Variants in TPD52 observed in about 807,000 individuals in gnomAD.
TPD52 encodes prostate and colon associated protein.
In TPD52, 17 loss-of-function variants were observed where a neutral mutation model predicts 31.3. That is an observed-to-expected ratio of 0.54 (90% CI 0.37 to 0.82). TPD52 has a LOEUF of 0.82. TPD52 is among the 40% of genes least tolerant of loss of function. The pLI is 0.00. For missense variants in TPD52, 212 were observed against 240.1 expected, an observed-to-expected ratio of 0.88 and a Z score of 0.77; for synonymous variants, 83 against 89.6, an observed-to-expected ratio of 0.93 and a Z score of 0.42.
intron 1 of TPD52, among the ~76,000 whole-genome samples, chr8:80,156,042 C>T (rs1387267567): frequency 6.6e-6 from 1 of 152,120 alleles, no homozygotes; most frequent in Non-Finnish European, 1.5e-5. Flanking sequence ...TGGTTTTAAA[C>T]AACAGCATTT....
chr8:80,060,117 A>C (rs2130637085), intron 2 of TPD52, among the ~76,000 whole-genome samples: 1 of 151,452 alleles, frequency 6.6e-6, no homozygotes, highest in Admixed American at 6.6e-5. Flanking sequence ...AGATGAGTGA[A>C]ATTGACAAAC....
intron 3 of TPD52, chr8:80,052,964 C>A: frequency 4.1e-6 from 1 of 241,648 alleles, no homozygotes; most frequent in Non-Finnish European, 8.1e-6. Flanking sequence ...TCTTGCCACC[C>A]ATTCTTACTG....
chr8:80,159,104 AT>A (rs111394301), intron 1 of TPD52, among the ~76,000 whole-genome samples: 1,533 of 152,314 alleles, frequency 0.01, 22 homozygotes, highest in African/African-American at 0.035. Flanking sequence ...CTGAGTTAGC[AT>A]TTTACAGAAG....
rs143928935 is a variant in TPD52 at position 80,060,582 on chromosome 8, T to C, written c.135+3896A>G. Among the ~76,000 whole-genome samples, 107 of 150,282 alleles carry C rather than the reference T, an allele frequency of 7.1e-4. No individual in the cohort carries two copies. In the East Asian group the frequency reaches 8.7e-3, roughly 12 times the overall value. On this transcript the variant is annotated intron_variant, in intron 2 of 7. Coordinates refer to ENST00000518937, the MANE Select transcript of TPD52 (RefSeq NM_001025253.3). ...AGAAAACAGCAGCCCATATCTCCTA[T>C]GAATATCCAGCAGCATATTAAAAGG... is the stretch of plus-strand genomic sequence containing the variant.
chr8:80,160,190 C>CAA (rs5892713), intron 1 of TPD52, among the ~76,000 whole-genome samples: 59 of 148,470 alleles, frequency 4.0e-4, no homozygotes, highest in African/African-American at 2.2e-4. Flanking sequence ...GACCCCATCT[C>CAA]AAAAAAAAAA....
intron 1 of TPD52, among the ~76,000 whole-genome samples, chr8:80,065,717 T>C (rs894661145): frequency 5.3e-5 from 8 of 152,212 alleles, no homozygotes; most frequent in African/African-American, 1.2e-4. Context: ...AACTCCAAAA[T>C]GGCTCTGCAT....
At chr8:80,148,572 C>A (rs1810365336) in intron 1 of TPD52, among the ~76,000 whole-genome samples, 1 of 152,068 alleles carries the variant, frequency 6.6e-6, no homozygotes, top group African/African-American at 2.4e-5. Flanking sequence ...TCTAAAACAG[C>A]CTTTTTTTAA....
At position 80,036,522 on chromosome 8, in the gene TPD52, T is replaced by G. The variant is rs1229613560; in HGVS notation, c.*1594A>C. The G allele has an allele frequency of 6.6e-6, 1 of 152,538 alleles. No homozygotes were observed. Among genetic ancestry groups the G allele is most frequent in the Non-Finnish European group, 1.5e-5 (1 of 68,026 alleles). The allele number at this position is 152,538 out of a possible 1,614,324, so 9.4% of individuals were successfully genotyped here. A position where few individuals can be genotyped will look rare whatever the true frequency, so the allele number is the denominator to read the frequency against. ...AAATTTTTTTTTTTTAAGCATAGAC[T>G]CCAGTTGATTCGGTACAACAAGCTG... On this transcript the variant is annotated 3_prime_UTR_variant, in exon 8 of 8. Transcript: ENST00000518937.
chr8:80,120,601 C>T (rs1190937326), intron 1 of TPD52, among the ~76,000 whole-genome samples: 1 of 152,188 alleles, frequency 6.6e-6, no homozygotes, highest in Non-Finnish European at 1.5e-5. Flanking sequence ...CTGCTTTAAT[C>T]TTTGAAATGG....
intron 2 of TPD52, among the ~76,000 whole-genome samples, chr8:80,055,914 T>C (rs74668346): frequency 0.023 from 3,428 of 152,268 alleles, 140 homozygotes; most frequent in African/African-American, 0.078. Context: ...CCAGAGAAGA[T>C]GAAACTCTTA....
intron 1 of TPD52, among the ~76,000 whole-genome samples, chr8:80,086,380 G>T (rs1436277199): frequency 6.6e-6 from 1 of 151,730 alleles, no homozygotes; most frequent in Non-Finnish European, 1.5e-5. Context: ...GTCCCCCAAG[G>T]TGCTGGGATT....
At chr8:80,042,460 A>G (rs1810481017) in intron 7 of TPD52, 160 bp downstream of exon 7, 2 of 985,378 alleles carry the variant, frequency 2.0e-6, no homozygotes, top group African/African-American at 3.5e-5. Flanking sequence ...TATTAAGTAC[A>G]TAACACCTTA....
At chr8:80,113,855 T>C (rs979901170) in intron 1 of TPD52, among the ~76,000 whole-genome samples, 8 of 152,226 alleles carry the variant, frequency 5.3e-5, no homozygotes, top group African/African-American at 1.7e-4. Context: ...CTAATTACCC[T>C]GATTTGATCA....
chr8:80,153,305 C>T (rs955389631), intron 1 of TPD52, among the ~76,000 whole-genome samples: 7 of 152,160 alleles, frequency 4.6e-5, no homozygotes, highest in African/African-American at 7.2e-5. Flanking sequence ...GGGGCCCGCA[C>T]GGTGAGCTGT....
chr8:80,059,554 TA>T (rs915894595), intron 2 of TPD52, among the ~76,000 whole-genome samples: 4 of 151,640 alleles, frequency 2.6e-5, no homozygotes, highest in African/African-American at 9.7e-5. Context: ...CATTAAGGGT[TA>T]AAAAAAAGAA....
chr8:80,070,749 T>C (rs1408145074), intron 1 of TPD52, among the ~76,000 whole-genome samples: 2 of 152,200 alleles, frequency 1.3e-5, no homozygotes, highest in Admixed American at 1.3e-4. Context: ...GACAGATTTT[T>C]ACAAGAATAG....
chr8:80,145,177 G>C (rs1810106288), intron 1 of TPD52, among the ~76,000 whole-genome samples: 3 of 152,194 alleles, frequency 2.0e-5, no homozygotes, highest in East Asian at 1.9e-4. Flanking sequence ...AAGTAGGTAA[G>C]AGATATCAAA....
intron 1 of TPD52, among the ~76,000 whole-genome samples, chr8:80,155,951 T>C (rs1810941810): frequency 6.6e-6 from 1 of 151,654 alleles, no homozygotes; most frequent in Admixed American, 6.6e-5. Flanking sequence ...ATGGAGATGA[T>C]GCATTTGTTT....
intron 1 of TPD52, among the ~76,000 whole-genome samples, chr8:80,167,456 C>T (rs1811790755): frequency 6.6e-6 from 1 of 152,196 alleles, no homozygotes; most frequent in African/African-American, 2.4e-5. Flanking sequence ...CTCAGCTATT[C>T]CCCTAGGGAC....
Sources: allele counts gnomAD v4.1 joint callset (sites outside exome capture counted in the v4.1 genomes callset), GRCh38; gene constraint gnomAD v4.1.1; transcripts MANE v1.5; gene names NCBI Gene and HGNC (gene_info 2026-07-23, HGNC 2026-07-21).